Variants in KCNQ5 observed in about 807,000 individuals in gnomAD.
The protein encoded by KCNQ5 is potassium voltage-gated channel subfamily KQT member 5.
Under a neutral mutation model 98.2 loss-of-function variants are expected in KCNQ5, and 30 were observed. The ratio of observed to expected loss-of-function variants is 0.31; its 90% CI spans 0.23 to 0.41. The LOEUF (loss-of-function observed/expected upper bound fraction) is 0.41, where lower values mean the gene tolerates loss of function less well. Among genes scored for constraint, KCNQ5 ranks in the 10% least tolerant of loss-of-function variants. The probability of loss-of-function intolerance (pLI) is 1.00; values close to 1 mark genes in which losing one functional copy is unlikely to be tolerated. For missense variants in KCNQ5, 835 were observed against 1,182.5 expected (o/e 0.71, Z 4.31); for synonymous variants, 458 against 449.4 (o/e 1.02, Z -0.24).
At chr6:72,752,915 T>C (rs1326342238) in intron 1 of KCNQ5, among the ~76,000 whole-genome samples, 1 of 152,138 alleles carries the variant, frequency 6.6e-6, no homozygotes, top group Non-Finnish European at 1.5e-5. Flanking sequence ...TTCTTCTAGA[T>C]AGACTCTAAA....
chr6:73,129,658 C>A (rs1776139945), intron 9 of KCNQ5: 1 of 658,428 alleles, frequency 1.5e-6, no homozygotes. Context: ...ATAGTACTCT[C>A]TGCTTAAATA....
chr6:73,181,482 G>A lies in KCNQ5; in HGVS notation c.1578-9091G>A, dbSNP rs150657380. On this transcript the variant is annotated intron_variant, in intron 11 of 13. Transcript: ENST00000370398. ...AAGAAAGGATGAATCAGTCACTTCA[G>A]CACTCCCTTTCTCTTCTAAGGTAAT... 2.4e-3 allele frequency among the ~76,000 whole-genome samples: 360 copies of A among 152,314 alleles called. 2 individuals carry two copies. Among genetic ancestry groups the A allele is most frequent in the African/African-American group, 8.4e-3 (349 of 41,578 alleles).
chr6:72,805,247 A>G (rs1774891083), intron 1 of KCNQ5, among the ~76,000 whole-genome samples: 1 of 152,058 alleles, frequency 6.6e-6, no homozygotes, highest in East Asian at 1.9e-4. Context: ...GCCCACTCCA[A>G]TGTCCTGGAG....
chr6:73,160,488 G>A (rs986407907), intron 10 of KCNQ5, among the ~76,000 whole-genome samples: 1 of 152,200 alleles, frequency 6.6e-6, no homozygotes, highest in African/African-American at 2.4e-5. Context: ...GCAGGCTGAG[G>A]CCTTCAAGCT....
chr6:72,728,011 A>G (rs1368124354), intron 1 of KCNQ5, among the ~76,000 whole-genome samples: 1 of 152,182 alleles, frequency 6.6e-6, no homozygotes, highest in Non-Finnish European at 1.5e-5. Flanking sequence ...TGGCAATAAC[A>G]TTTTAATCCT....
chr6:72,779,147 G>A (rs187837387), intron 1 of KCNQ5, among the ~76,000 whole-genome samples: 1 of 152,226 alleles, frequency 6.6e-6, no homozygotes, highest in Admixed American at 6.5e-5. Context: ...TTGTCTGTTT[G>A]ATTTGGGATG....
chr6:72,887,016 A>G (rs954355608), intron 1 of KCNQ5, among the ~76,000 whole-genome samples: 1 of 152,218 alleles, frequency 6.6e-6, no homozygotes, highest in Non-Finnish European at 1.5e-5. Context: ...TTATGAGCAA[A>G]TAGATGGAAA....
intron 1 of KCNQ5, among the ~76,000 whole-genome samples, chr6:72,760,074 G>A (rs1180865265): frequency 2.0e-5 from 3 of 152,118 alleles, no homozygotes; most frequent in African/African-American, 4.8e-5. Flanking sequence ...AGGATGGCAC[G>A]CTCCTCTGAA....
rs199890140 is a variant in KCNQ5, at chr6:72,981,205, A to T, written c.399-22703A>T. On this transcript the variant is annotated intron_variant, in intron 1 of 13. Coordinates refer to ENST00000370398, the MANE Select transcript of KCNQ5 (RefSeq NM_019842.4). ...GTTAGGGAGGATTCCCTCTTTTTCT[A>T]TTGATTGGAATAGTTTCAGAAGAAA... 7.3e-4 allele frequency among the ~76,000 whole-genome samples: 111 copies of T among 152,104 alleles called. 2 individuals carry two copies. In the East Asian group the frequency reaches 0.02, roughly 28 times the overall value.
At chr6:72,955,845 G>A (rs75969387) in intron 1 of KCNQ5, among the ~76,000 whole-genome samples, 378 of 152,202 alleles carry the variant, frequency 2.5e-3, no homozygotes, top group Non-Finnish European at 4.5e-3. Context: ...GCTCGAGCCC[G>A]GGAGGAGGAA....
chr6:72,988,631 GA>G (rs1306421576), intron 1 of KCNQ5, among the ~76,000 whole-genome samples: 2 of 141,342 alleles, frequency 1.4e-5, no homozygotes, highest in Non-Finnish European at 1.5e-5. Flanking sequence ...AAAACTTGGG[GA>G]AAAAAAGCAT....
Position 72,816,069 on chromosome 6 carries a change from C to G in KCNQ5, c.399-187839C>G, listed in dbSNP as rs549582116. Among the ~76,000 whole-genome samples the G allele has an allele frequency of 4.1e-5, 6 of 147,566 alleles. No individual in the cohort carries two copies. The East Asian group carries it at 9.7e-4, about 24-fold the overall frequency. On this transcript the variant is annotated intron_variant, in intron 1 of 13. Transcript: ENST00000370398. Reference sequence around the variant, plus strand: ...CCCCCACTTGCAGAGCAAGAGCACACAAACAGTGAATGGCAAGAAATGAGG... The same window carrying G: ...CCCCCACTTGCAGAGCAAGAGCACAGAAACAGTGAATGGCAAGAAATGAGG...
chr6:72,900,455 A>C (rs1581983342), intron 1 of KCNQ5, among the ~76,000 whole-genome samples: 1 of 147,556 alleles, frequency 6.8e-6, no homozygotes, highest in South Asian at 2.1e-4. Flanking sequence ...TATCATATAT[A>C]TGATTTATTT....
At chr6:72,725,522 G>A (rs963556536) in intron 1 of KCNQ5, among the ~76,000 whole-genome samples, 2 of 152,100 alleles carry the variant, frequency 1.3e-5, no homozygotes, top group South Asian at 4.1e-4. Flanking sequence ...CTGAGGGAGG[G>A]AGATGGAAAG....
intron 5 of KCNQ5, among the ~76,000 whole-genome samples, chr6:73,082,766 T>C (rs1773831474): frequency 2.6e-5 from 4 of 152,172 alleles, no homozygotes; most frequent in Admixed American, 2.0e-4. Flanking sequence ...TAACCAACAC[T>C]CCTCACTCCC....
At chr6:73,184,202 G>T (rs1347737135) in intron 11 of KCNQ5, among the ~76,000 whole-genome samples, 1 of 152,066 alleles carries the variant, frequency 6.6e-6, no homozygotes, top group African/African-American at 2.4e-5. Context: ...ATATGTTGTT[G>T]CTTGCAATGC....
chr6:72,841,695 T>A (rs1397985780), intron 1 of KCNQ5, among the ~76,000 whole-genome samples: 1 of 152,180 alleles, frequency 6.6e-6, no homozygotes, highest in Non-Finnish European at 1.5e-5. Context: ...CTATATATAT[T>A]CCTTATATTT....
intron 1 of KCNQ5, among the ~76,000 whole-genome samples, chr6:72,786,136 A>T (rs1315058557): frequency 1.3e-5 from 2 of 152,134 alleles, no homozygotes; most frequent in Non-Finnish European, 2.9e-5. Flanking sequence ...GATATGTTAT[A>T]CTCTTTTTTT....
intron 10 of KCNQ5, among the ~76,000 whole-genome samples, chr6:73,166,817 G>A (rs1777821714): frequency 6.6e-6 from 1 of 152,170 alleles, no homozygotes; most frequent in Non-Finnish European, 1.5e-5. Context: ...GCTTGTAGAT[G>A]CATTACTCCA....
Sources: gnomAD v4.1 joint callset for allele counts (sites outside exome capture counted in the v4.1 genomes callset) on GRCh38, gnomAD v4.1.1 for gene constraint, MANE v1.5 for transcripts, NCBI Gene and HGNC (gene_info 2026-07-23, HGNC 2026-07-21) for gene names.